Variants in MRPL47 observed in about 807,000 individuals in gnomAD.
MRPL47 encodes large ribosomal subunit protein uL29m.
A neutral mutation model predicts 34.0 loss-of-function variants in MRPL47; 31 were observed. That is an observed-to-expected ratio of 0.91 (90% CI 0.68 to 1.23). The LOEUF (loss-of-function observed/expected upper bound fraction) is 1.23. MRPL47 is among the 50% of genes most tolerant of loss of function. The probability of loss-of-function intolerance (pLI) is 0.00; values close to 1 mark genes in which losing one functional copy is unlikely to be tolerated. For synonymous variants in MRPL47, 106 were observed against 101.6 expected, an observed-to-expected ratio of 1.04 and a Z score of -0.26; for missense variants, 328 against 285.8, an observed-to-expected ratio of 1.15 and a Z score of -1.07.
intron 1 of MRPL47, among the ~76,000 whole-genome samples, chr3:179,603,947 A>C (rs1718991938): frequency 6.6e-6 from 1 of 151,910 alleles, no homozygotes; most frequent in East Asian, 1.9e-4. Context: ...ATTCTTAAAA[A>C]GCTAATCTCA....
chr3:179,588,290 T>C lies in MRPL47; in HGVS notation c.*582A>G. The stretch of plus-strand genomic sequence containing the variant: ...TAAAATGCTTTCCAACTCTGTTTAG[T>C]GTATTAATTACCAGTGGATTGGTAG... On this transcript the variant is annotated 3_prime_UTR_variant, in exon 7 of 7. Coordinates refer to ENST00000476781, the MANE Select transcript of MRPL47 (RefSeq NM_020409.3). 1 of 304,706 alleles carries C rather than the reference T, an allele frequency of 3.3e-6. No homozygotes were observed. Among genetic ancestry groups the C allele is most frequent in the Non-Finnish European group, 5.9e-6 (1 of 168,630 alleles). The allele number at this position is 304,706 out of a possible 1,614,324, so 18.9% of individuals were successfully genotyped here. A position where few individuals can be genotyped will look rare whatever the true frequency, so the allele number is the denominator to read the frequency against.
intron 1 of MRPL47, among the ~76,000 whole-genome samples, chr3:179,603,810 A>T (rs1718987842): frequency 6.6e-6 from 1 of 152,196 alleles, no homozygotes; most frequent in South Asian, 2.1e-4. Flanking sequence ...TTTTTAAAAA[A>T]TAGTTAACGA....
chr3:179,589,067 C>A, intron 6 of MRPL47, 72 bp from the exon 7 acceptor site: 1 of 1,430,892 alleles, frequency 7.0e-7, no homozygotes, highest in Non-Finnish European at 9.5e-7. Flanking sequence ...TCAAAATATG[C>A]ATAAATCAAT....
chr3:179,596,434 T>C (rs1399037187), intron 4 of MRPL47, among the ~76,000 whole-genome samples: 1 of 152,226 alleles, frequency 6.6e-6, no homozygotes, highest in Non-Finnish European at 1.5e-5. Flanking sequence ...ATGGTCACTT[T>C]CAGCTTCTCT....
intron 3 of MRPL47, 35 bp from the exon 4 acceptor site, chr3:179,598,806 C>G: frequency 7.2e-7 from 1 of 1,382,868 alleles, no homozygotes; most frequent in Non-Finnish European, 1.0e-6. Context: ...TGATGCTATT[C>G]TGTGGTTATG....
chr3:179,604,629 T>C lies in MRPL47; in HGVS notation c.-5A>G. 1 of 1,614,172 alleles carries C rather than the reference T, an allele frequency of 6.2e-7. No individual in the cohort carries two copies. The highest frequency in any genetic ancestry group is 8.5e-7 in the Non-Finnish European group (1 of 1,180,030). On this transcript the variant is annotated 5_prime_UTR_variant, in exon 1 of 7. Transcript: ENST00000476781. ...GGCCAAACCGGCCGCAGCCATGTTTTCGCATAACTGGCAAAACGCGTTTCC... is the reference window on the plus strand; with the variant it reads ...GGCCAAACCGGCCGCAGCCATGTTTCCGCATAACTGGCAAAACGCGTTTCC...
At chr3:179,601,299 T>A (rs1294696120) in intron 3 of MRPL47, among the ~76,000 whole-genome samples, 1 of 152,052 alleles carries the variant, frequency 6.6e-6, no homozygotes, top group African/African-American at 2.4e-5. Context: ...TCCCAGATAC[T>A]CAGGAGGCTG....
rs1242447598 is a variant in MRPL47 at position 179,591,399 on chromosome 3, T to C, written c.629+1245A>G. Among the ~76,000 whole-genome samples the C allele has an allele frequency of 2.0e-5, 3 of 152,348 alleles. 1 individual carries two copies. Among genetic ancestry groups the C allele is most frequent in the South Asian group, 4.1e-4 (2 of 4,828 alleles). On this transcript the variant is annotated intron_variant, in intron 6 of 6. Coordinates refer to ENST00000476781, the MANE Select transcript of MRPL47 (RefSeq NM_020409.3). ...CAGTTTTGGGGATTAAACTATATCCTCTGGCTTTGTCTCCTTTTGGATATG... is the reference window on the plus strand; with the variant it reads ...CAGTTTTGGGGATTAAACTATATCCCCTGGCTTTGTCTCCTTTTGGATATG...
Position 179,588,938 on chromosome 3 carries a change from C to T in MRPL47, c.687G>A (p.Lys229=), listed in dbSNP as rs1386759153. The change falls in exon 7 of 7, where the codon AAG becomes AAA. Residue 229 remains lysine, a synonymous_variant. Transcript: ENST00000476781. ...IKARKENLER[K]KAKILLKKFP... is the part of the protein sequence containing the mutation. The stretch of plus-strand genomic sequence containing the variant: ...ACTTTTTTAAAAGAATTTTTGCTTT[C>T]TTTCTCTCTAAATTTTCCTTCCGTG... The T allele has an allele frequency of 3.1e-6, 5 of 1,613,620 alleles. No homozygotes were observed. Among genetic ancestry groups the T allele is most frequent in the Non-Finnish European group, 4.2e-6 (5 of 1,179,780 alleles).
At chr3:179,591,286 G>C (rs954974059) in intron 6 of MRPL47, among the ~76,000 whole-genome samples, 2 of 152,186 alleles carry the variant, frequency 1.3e-5, no homozygotes, top group East Asian at 1.9e-4. Context: ...CCTCTGCCCT[G>C]TCTCTCTCTG....
At chr3:179,598,931 G>T (rs1471865229) in intron 3 of MRPL47, among the ~76,000 whole-genome samples, 160 bp from the exon 4 acceptor site, 2 of 152,132 alleles carry the variant, frequency 1.3e-5, no homozygotes, top group South Asian at 4.1e-4. Context: ...GGCTGAGGTA[G>T]GAGGATCGCT....
At chr3:179,604,638 TGGC>T, upstream of MRPL47, 1 of 1,614,056 alleles carries the variant, frequency 6.2e-7, no homozygotes, top group African/African-American at 1.3e-5. Flanking sequence ...TTCGCATAAC[TGGC>T]AAAACGCGTT....
At chr3:179,603,527 A>T (rs1718979793) in intron 1 of MRPL47, among the ~76,000 whole-genome samples, 1 of 152,236 alleles carries the variant, frequency 6.6e-6, no homozygotes, top group Non-Finnish European at 1.5e-5. Flanking sequence ...CGACAGAGTC[A>T]GTCCCTGTCT....
chr3:179,602,815 T>A lies in MRPL47; in HGVS notation c.99-18A>T, dbSNP rs765944009. 6.4e-7 allele frequency: 1 copy of A among 1,571,596 alleles called. No homozygotes were observed. The highest frequency in any genetic ancestry group is 8.6e-7 in the Non-Finnish European group (1 of 1,164,860). On this transcript the variant is annotated intron_variant, in intron 1 of 6. Coordinates refer to ENST00000476781, the MANE Select transcript of MRPL47 (RefSeq NM_020409.3). ...GAAAAAACCTGCAATTGAACACACA[T>A]AAACAAGTAAAAGTTTTATAATATC...
chr3:179,598,426 A>AC (rs1553779586), intron 4 of MRPL47, among the ~76,000 whole-genome samples: 3,608 of 142,236 alleles, frequency 0.025, 88 homozygotes, highest in East Asian at 0.085. Flanking sequence ...ACACACACAC[A>AC]AACAAAAAAA....
Position 179,592,758 on chromosome 3 carries a change from G to C in MRPL47, c.534-19C>G. The C allele has an allele frequency of 1.3e-6, 2 of 1,515,860 alleles. No individual in the cohort carries two copies. Among genetic ancestry groups the C allele is most frequent in the Non-Finnish European group, 9.1e-7 (1 of 1,093,582 alleles). 93.9% of individuals were successfully genotyped at this position (1,515,860 alleles called of 1,614,324 possible). On this transcript the variant is annotated intron_variant, in intron 5 of 6. Transcript: ENST00000476781. The stretch of plus-strand genomic sequence containing the variant: ...CTTGTGCCTGCCAATAAAGCAAAAA[G>C]TTATTTGCCTTAAAGAAAACATTTA...
chr3:179,593,720 G>A (rs1040259399), intron 5 of MRPL47, 45 bp downstream of exon 5: 1 of 1,559,604 alleles, frequency 6.4e-7, no homozygotes, highest in Non-Finnish European at 8.7e-7. Context: ...ATGAGGCATG[G>A]ATTTCCACTC....
Position 179,592,651 on chromosome 3 carries a change from A to G in MRPL47, c.622T>C (p.Phe208Leu). The G allele has an allele frequency of 6.2e-7, 1 of 1,606,060 alleles. No individual in the cohort carries two copies. Among genetic ancestry groups the G allele is most frequent in the Admixed American group, 1.7e-5 (1 of 59,994 alleles). The change falls in exon 6 of 7, where the codon TTT becomes CTT. Residue 208 changes from phenylalanine to leucine, a missense_variant. Coordinates refer to ENST00000476781, the MANE Select transcript of MRPL47 (RefSeq NM_020409.3). The stretch of plus-strand genomic sequence containing the variant: ...AAAGGTGCTTGTGCTCACCTGAGAA[A>G]ATGGTCCACATAAGGCAAGGCAAAG... ...RFFALPYVDH[F>L]LRLEREKRAR...
intron 2 of MRPL47, 44 bp downstream of exon 2, chr3:179,602,608 G>GGT (rs1553780055): frequency 2.0e-5 from 17 of 832,874 alleles, no homozygotes; most frequent in Middle Eastern, 3.3e-4. Context: ...CGGGGGGGGG[G>GGT]GTTCCATAAA....
Sources: allele counts gnomAD v4.1 joint callset (sites outside exome capture counted in the v4.1 genomes callset), GRCh38; gene constraint gnomAD v4.1.1; transcripts MANE v1.5; gene names NCBI Gene and HGNC (gene_info 2026-07-23, HGNC 2026-07-21).